The following PRUNE2 variants were observed in gnomAD, a reference collection of about 807,000 sequenced individuals.
PRUNE2 encodes the protein prune homolog 2 with BCH domain, also known as protein prune homolog 2.
A neutral mutation model predicts 252.0 loss-of-function variants in PRUNE2; 164 were observed. That is an observed-to-expected ratio of 0.65 (90% confidence interval 0.57 to 0.74). PRUNE2 has a LOEUF of 0.74. PRUNE2 is among the 30% of genes least tolerant of loss of function. The pLI is 0.00. For missense variants in PRUNE2, 3,495 were observed against 3,711.0 expected (o/e 0.94, Z 1.51); for synonymous variants, 1,292 against 1,350.2 (o/e 0.96, Z 0.94).
chr9:76,791,621 C>T (rs137891788), intron 6 of PRUNE2, among the ~76,000 whole-genome samples: 2,525 of 131,172 alleles, frequency 0.019, 356 homozygotes, highest in African/African-American at 0.066. Flanking sequence ...AATAATACTG[C>T]ACCAATTATT....
chr9:76,880,578 T>G (rs1423759969), intron 1 of PRUNE2, among the ~76,000 whole-genome samples: 1 of 152,186 alleles, frequency 6.6e-6, no homozygotes, highest in Admixed American at 6.5e-5. Flanking sequence ...GTGAATTTCC[T>G]CAATGAAACA....
rs1168930383 is a variant in PRUNE2, at chr9:76,704,867, C to A, written c.7407G>T (p.Leu2469Phe). ...AAATGTTGGAGCCTGCTCCTACCGG[C>A]AAATAAACGGACTCAGGGTCTTCAC... ...HIREDPESVYLPVGAGSNILS... is the reference protein window; with the variant it reads ...HIREDPESVYFPVGAGSNILS... Residue 2469 changes from leucine (L) to phenylalanine (F), a missense_variant, in exon 8 of 19, where the codon TTG becomes TTT. By Grantham distance (22) the Leu-to-Phe change is conservative. Transcript: ENST00000376718. 1 of 1,604,946 alleles carries A rather than the reference C, an allele frequency of 6.2e-7. No individual in the cohort carries two copies. The highest frequency in any genetic ancestry group is 8.5e-7 in the Non-Finnish European group (1 of 1,175,224).
intron 17 of PRUNE2, among the ~76,000 whole-genome samples, chr9:76,621,618 G>A (rs1011901170): frequency 6.6e-6 from 1 of 152,138 alleles, no homozygotes; most frequent in African/African-American, 2.4e-5. Flanking sequence ...TTTAGGCAGT[G>A]GTTCTCAAAG....
At chr9:76,733,748 T>A (rs1030703616) in intron 6 of PRUNE2, 1 of 152,024 alleles carries the variant, frequency 6.6e-6, no homozygotes, top group African/African-American at 2.4e-5. Flanking sequence ...ATTAATTAAT[T>A]TGCCTGTACA....
At chr9:76,891,621 G>A (rs190556123) in intron 1 of PRUNE2, among the ~76,000 whole-genome samples, 19 of 152,342 alleles carry the variant, frequency 1.2e-4, no homozygotes, top group East Asian at 3.9e-4. Flanking sequence ...AGATTTCACC[G>A]TTGAATAGCC....
chr9:76,890,828 T>C (rs954062446), intron 1 of PRUNE2, among the ~76,000 whole-genome samples: 24 of 152,210 alleles, frequency 1.6e-4, no homozygotes, highest in African/African-American at 5.3e-4. Flanking sequence ...AATACAGAAT[T>C]ACAAGTCCAA....
Position 76,690,637 on chromosome 9 carries a change from T to C in PRUNE2, c.8276+12700A>G, listed in dbSNP as rs549079501. Among the ~76,000 whole-genome samples the C allele has an allele frequency of 5.3e-5, 8 of 152,236 alleles. No individual in the cohort carries two copies. In the East Asian group the frequency reaches 9.6e-4, roughly 18 times the overall value. ...GATGTACCAAAGAGAGCACTAACCA[T>C]TGGGGAAAAAAAGTTAATTTGACTT... On this transcript the variant is annotated intron_variant, in intron 9 of 18. Coordinates refer to ENST00000376718, the MANE Select transcript of PRUNE2 (RefSeq NM_015225.3).
chr9:76,810,717 T>A lies in PRUNE2; in HGVS notation c.756+12915A>T, dbSNP rs756108064. Among the ~76,000 whole-genome samples, 156 of 152,248 alleles carry A rather than the reference T, an allele frequency of 1.0e-3. 1 individual carries two copies. Among genetic ancestry groups the A allele is most frequent in the Non-Finnish European group, 1.8e-3 (122 of 68,032 alleles). ...TTTCTCTGAGTTGCCACTGGCTATG[T>A]GGTATAAATTTGTTTTTTCATTTTA... On this transcript the variant is annotated intron_variant, in intron 6 of 18. Coordinates refer to ENST00000376718, the MANE Select transcript of PRUNE2 (RefSeq NM_015225.3).
At chr9:76,872,937 G>A (rs1044327307) in intron 1 of PRUNE2, among the ~76,000 whole-genome samples, 10 of 152,114 alleles carry the variant, frequency 6.6e-5, no homozygotes, top group African/African-American at 2.4e-4. Context: ...CTGAAATGCT[G>A]TCATTAGATG....
At chr9:76,781,156 T>G (rs7864683) in intron 6 of PRUNE2, among the ~76,000 whole-genome samples, 38,162 of 152,100 alleles carry the variant, frequency 0.25, 5,089 homozygotes, top group African/African-American at 0.33. Context: ...TCTCCCATGG[T>G]CTATGAAGGC....
chr9:76,674,229 A>G (rs1067437), intron 9 of PRUNE2, among the ~76,000 whole-genome samples: 77,396 of 147,060 alleles, frequency 0.53, 22,853 homozygotes, highest in South Asian at 0.68. Flanking sequence ...AAATCAATGT[A>G]CAAAAATCTC....
intron 6 of PRUNE2, among the ~76,000 whole-genome samples, chr9:76,806,074 A>C (rs758054703): frequency 1.3e-5 from 2 of 152,200 alleles, no homozygotes; most frequent in Non-Finnish European, 2.9e-5. Context: ...AACCTGAATC[A>C]ACTCTCTCTA....
intron 13 of PRUNE2, 127 bp downstream of exon 13, chr9:76,638,059 C>G: frequency 1.5e-6 from 1 of 658,282 alleles, no homozygotes; most frequent in South Asian, 1.8e-5. Flanking sequence ...TGACAGAAAC[C>G]TTACTGACTT....
At position 76,846,673 on chromosome 9, in the gene PRUNE2, T is replaced by C; in HGVS notation, c.350A>G (p.Asp117Gly). ...LVGSSVLASE[D>G]KTLESAVVKV... Reference sequence around the variant, plus strand: ...GACAACTGCTGATTCTAAAGTTTTGTCTTCACTGTAAAGCAAATGGAGGGG... The same window carrying C: ...GACAACTGCTGATTCTAAAGTTTTGCCTTCACTGTAAAGCAAATGGAGGGG... Residue 117 changes from aspartate to glycine, a missense_variant, in exon 4 of 19, where the codon GAC becomes GGC. Physicochemically the swap from Asp to Gly is moderately conservative, Grantham distance 94. Transcript: ENST00000376718. 6.2e-7 allele frequency: 1 copy of C among 1,613,600 alleles called. No homozygotes were observed.
At chr9:76,893,267 A>T (rs1040635859) in intron 1 of PRUNE2, among the ~76,000 whole-genome samples, 6 of 152,198 alleles carry the variant, frequency 3.9e-5, no homozygotes, top group Admixed American at 1.3e-4. Flanking sequence ...AAACAACAAT[A>T]ACAAAAAACC....
chr9:76,618,433 G>A (rs1830646237), intron 18 of PRUNE2, among the ~76,000 whole-genome samples: 1 of 152,214 alleles, frequency 6.6e-6, no homozygotes. Context: ...CAAGGGCAAT[G>A]TTAAATTCTC....
chr9:76,847,420 T>A (rs1168971341), intron 3 of PRUNE2, among the ~76,000 whole-genome samples: 1 of 144,928 alleles, frequency 6.9e-6, no homozygotes, highest in Non-Finnish European at 1.5e-5. Flanking sequence ...TTGTATAAGT[T>A]TTTTTTAATA....
At chr9:76,768,579 A>ATGTGTGTGTGTG (rs1491333441) in intron 6 of PRUNE2, among the ~76,000 whole-genome samples, 1 of 100,510 alleles carries the variant, frequency 9.9e-6, no homozygotes, top group African/African-American at 3.2e-5. Context: ...ATATATGTAT[A>ATGTGTGTGTGTG]TGTATGTGTG....
At chr9:76,772,554 A>G (rs1461270547) in intron 6 of PRUNE2, among the ~76,000 whole-genome samples, 1 of 152,108 alleles carries the variant, frequency 6.6e-6, no homozygotes, top group East Asian at 1.9e-4. Flanking sequence ...ACTTGTGAAC[A>G]TGGTAAATTA....
Sources: allele counts gnomAD v4.1 joint callset (sites outside exome capture counted in the v4.1 genomes callset), GRCh38; gene constraint gnomAD v4.1.1; transcripts MANE v1.5; gene names NCBI Gene and HGNC (gene_info 2026-07-23, HGNC 2026-07-21).